Variants in STARD3 observed in about 807,000 individuals in gnomAD.
STARD3 encodes stAR-related lipid transfer protein 3.
Under a neutral mutation model 62.0 loss-of-function variants are expected in STARD3, and 39 were observed. The observed-to-expected ratio is 0.63, with a 90% confidence interval of 0.49 to 0.82. STARD3 has a LOEUF of 0.82. Ranked by LOEUF, STARD3 falls within the 40% of genes least tolerant of loss-of-function variation. The pLI, the probability that STARD3 is intolerant of heterozygous loss-of-function variation, is 0.00. For missense variants in STARD3, 543 were observed against 584.5 expected, an observed-to-expected ratio of 0.93 and a Z score of 0.73; for synonymous variants, 229 against 242.4, an observed-to-expected ratio of 0.94 and a Z score of 0.51.
chr17:39,638,764 C>T (rs1201517823), intron 1 of STARD3, among the ~76,000 whole-genome samples: 1 of 152,200 alleles, frequency 6.6e-6, no homozygotes, highest in Non-Finnish European at 1.5e-5. Context: ...AGGAATGTCT[C>T]TACTTCATAG....
chr17:39,658,640 C>T, intron 6 of STARD3, 82 bp from the exon 7 acceptor site: 1 of 1,584,036 alleles, frequency 6.3e-7, no homozygotes. Flanking sequence ...CCTCCAGTAG[C>T]CTGAGGGGGA....
At chr17:39,661,321 G>A (rs2057195564) in intron 13 of STARD3, 4 of 558,722 alleles carry the variant, frequency 7.2e-6, no homozygotes, top group Admixed American at 3.1e-5. Context: ...GACGGGATGT[G>A]CGGCGGTGGC....
At chr17:39,648,008 G>A (rs902452766) in intron 1 of STARD3, among the ~76,000 whole-genome samples, 1 of 152,004 alleles carries the variant, frequency 6.6e-6, no homozygotes. Flanking sequence ...GAGCATGGCC[G>A]GCCGCGGTGG....
At chr17:39,642,941 A>G (rs1020073276) in intron 1 of STARD3, among the ~76,000 whole-genome samples, 11 of 151,852 alleles carry the variant, frequency 7.2e-5, no homozygotes, top group African/African-American at 2.7e-4. Flanking sequence ...CAAGGGGAAG[A>G]GGAAAGGGGA....
At position 39,662,820 on chromosome 17, in the gene STARD3, A is replaced by G; in HGVS notation, c.1250A>G (p.Tyr417Cys). The stretch of plus-strand genomic sequence containing the variant: ...TTCCCCCAGGGCCGCCTGCCCCGGT[A>G]CCTCATCCACCAGAGCCTCGCGGCC... The part of the protein sequence containing the change: ...NTDLKGRLPR[Y>C]LIHQSLAATM... Residue 417 changes from tyrosine (Y) to cysteine (C), a missense_variant, in exon 15 of 15, where the codon TAC becomes TGC. Transcript: ENST00000336308. The G allele has an allele frequency of 1.9e-6, 3 of 1,610,240 alleles. No individual in the cohort carries two copies. Among genetic ancestry groups the G allele is most frequent in the Non-Finnish European group, 2.5e-6 (3 of 1,178,504 alleles).
At chr17:39,659,639 A>G in intron 9 of STARD3, 86 bp downstream of exon 9, 2 of 1,430,208 alleles carry the variant, frequency 1.4e-6, no homozygotes, top group Non-Finnish European at 1.9e-6. Context: ...AAACCCAAAG[A>G]TTACATGGGT....
chr17:39,652,547 T>C (rs1303512891), intron 1 of STARD3: 3 of 151,172 alleles, frequency 2.0e-5, no homozygotes, highest in Non-Finnish European at 4.4e-5. Flanking sequence ...GAGAGGACTT[T>C]TGAGCTGCCT....
chr17:39,660,432 C>G lies in STARD3; in HGVS notation c.860C>G (p.Thr287Ser). 6.2e-7 allele frequency: 1 copy of G among 1,613,806 alleles called. No homozygotes were observed. Among genetic ancestry groups the G allele is most frequent in the Non-Finnish European group, 8.5e-7 (1 of 1,180,014 alleles). The change falls in exon 11 of 15, where the codon ACC (threonine) becomes AGC (serine). Residue 287 changes from threonine (T) to serine (S), a missense_variant and splice_region_variant. Thr to Ser is a moderately conservative substitution (Grantham distance 58). Coordinates refer to ENST00000336308, the MANE Select transcript of STARD3 (RefSeq NM_006804.4). This position sits in a 1 kb window ranked among gnomAD's most constrained non-coding sequence, Gnocchi z 4.8. ...CAGCCCTCTGCCGCCCTGTCCCAGA[C>G]CTTCCTGCCCTGTCCTGCGGAGCTC... Reference protein sequence around the residue: ...PFHGKTFILKTFLPCPAELVY... With the variant: ...PFHGKTFILKSFLPCPAELVY...
chr17:39,658,380 G>A, intron 5 of STARD3, 25 bp from the exon 6 acceptor site: 1 of 1,603,574 alleles, frequency 6.2e-7, no homozygotes, highest in Non-Finnish European at 8.5e-7. Context: ...CCCCTGCCAT[G>A]GAGCTCAGCC....
chr17:39,651,596 C>T (rs2057078684), intron 1 of STARD3, among the ~76,000 whole-genome samples: 1 of 152,232 alleles, frequency 6.6e-6, no homozygotes, highest in Admixed American at 6.5e-5. Context: ...CGGAGTCTCG[C>T]TCTGTCACCC....
At chr17:39,653,048 C>G in intron 1 of STARD3, 1 of 178,222 alleles carries the variant, frequency 5.6e-6, no homozygotes, top group South Asian at 1.3e-4. Flanking sequence ...GGGAATGTGG[C>G]TTTGTGCTTG....
chr17:39,653,742 G>T lies in STARD3; in HGVS notation c.211G>T (p.Glu71Ter). The T allele has an allele frequency of 6.2e-7, 1 of 1,613,992 alleles. No homozygotes were observed. Residue 71 changes from glutamate to a stop codon, truncating the protein, a stop_gained, in exon 2 of 15, where the codon GAA becomes TAA. Transcript: ENST00000336308. LOFTEE classifies it high-confidence loss of function. ...LLFISLLWII[E>*]LNTNTGIRKN... ...CTTCATCTCCCTGCTCTGGATCATC[G>T]AACTGAATGTGAGTGGGGGCGAGGT...
intron 13 of STARD3, among the ~76,000 whole-genome samples, chr17:39,661,924 T>C (rs2057203412): frequency 6.6e-6 from 1 of 152,194 alleles, no homozygotes. Flanking sequence ...CCCAGCCTAC[T>C]CTGCCATAGC....
chr17:39,661,081 G>A lies in STARD3; in HGVS notation c.1135G>A (p.Val379Ile). ...TGCCAAGCCCCCGACGCACAAATAT[G>A]TCCGGTGAGCCTCACTTTGCCTGGG... ...HSAKPPTHKY[V>I]RGENGPGGFI... The change falls in exon 13 of 15, where the codon GTC becomes ATC. Residue 379 changes from valine (V) to isoleucine (I), a missense_variant. Transcript: ENST00000336308. The A allele has an allele frequency of 6.2e-7, 1 of 1,613,446 alleles. No individual in the cohort carries two copies. Among genetic ancestry groups the A allele is most frequent in the Non-Finnish European group, 8.5e-7 (1 of 1,179,986 alleles).
intron 1 of STARD3, 60 bp from the exon 2 acceptor site, chr17:39,653,421 G>A: frequency 8.6e-7 from 1 of 1,161,506 alleles, no homozygotes; most frequent in Non-Finnish European, 1.2e-6. Flanking sequence ...GGTGGCCCTG[G>A]TGGCTGTGTG....
In STARD3 at chr17:39,660,664, C is replaced by T. The variant is rs543567442; in HGVS notation, c.954+138C>T. 3,267 of 1,349,518 alleles carry T rather than the reference C, an allele frequency of 2.4e-3. 46 individuals carry two copies. The highest frequency in any genetic ancestry group is 1.2e-3 in the Non-Finnish European group (1,186 of 960,694). The allele number at this position is 1,349,518 out of a possible 1,614,324, so 83.6% of individuals were successfully genotyped here. On this transcript the variant is annotated intron_variant, in intron 11 of 14. Transcript: ENST00000336308. The surrounding 1 kb of genome is among the most constrained non-coding windows in gnomAD (Gnocchi z 4.8). ...GGTAACAGTGCCTGCTCGGGAGGGT[C>T]GGGAGGAGGGCAGGAGGAGTGCTCA...
At chr17:39,640,189 C>G (rs187073247) in intron 1 of STARD3, among the ~76,000 whole-genome samples, 3 of 152,126 alleles carry the variant, frequency 2.0e-5, no homozygotes, top group Non-Finnish European at 4.4e-5. Context: ...ATAAAAAATC[C>G]GGCACATCTG....
intron 1 of STARD3, among the ~76,000 whole-genome samples, chr17:39,646,867 C>A (rs944312166): frequency 7.2e-5 from 11 of 152,132 alleles, no homozygotes; most frequent in African/African-American, 2.7e-4. Context: ...ACCTGACTTC[C>A]CCCCTCCCCA....
In STARD3 at chr17:39,657,199, C is replaced by G. The variant is rs764650660; in HGVS notation, c.297+114C>G. 18 of 1,067,986 alleles carry G rather than the reference C, an allele frequency of 1.7e-5. No individual in the cohort carries two copies. The Admixed American group carries it at 2.6e-4, about 15-fold the overall frequency. The allele number at this position is 1,067,986 out of a possible 1,614,324, so 66.2% of individuals were successfully genotyped here. ...ATCCAGTCTGATCAGAGACTCGGCT[C>G]CCATCCTTCGGGAGCCATCAGTCAT... On this transcript the variant is annotated intron_variant, in intron 3 of 14. Coordinates refer to ENST00000336308, the MANE Select transcript of STARD3 (RefSeq NM_006804.4).
Sources: allele counts gnomAD v4.1 joint callset (sites outside exome capture counted in the v4.1 genomes callset), GRCh38; gene constraint gnomAD v4.1.1; non-coding constraint Gnocchi (gnomAD v3.1); transcripts MANE v1.5; gene names NCBI Gene and HGNC (gene_info 2026-07-23, HGNC 2026-07-21).